SLC35F4: variants seen among roughly 807,000 people sequenced by gnomAD.
The protein encoded by SLC35F4 is solute carrier family 35 member F4.
SLC35F4 carries 24 observed loss-of-function variants against 44.2 expected under a neutral mutation model. That is an observed-to-expected ratio of 0.54 (90% CI 0.39 to 0.76). SLC35F4 has a LOEUF of 0.76. Among genes scored for constraint, SLC35F4 ranks in the 30% least tolerant of loss-of-function variants. The probability of loss-of-function intolerance (pLI) is 0.00; values close to 1 mark genes in which losing one functional copy is unlikely to be tolerated. For missense variants in SLC35F4, 562 were observed against 586.1 expected (o/e 0.96, Z 0.42); for synonymous variants, 238 against 223.6 (o/e 1.06, Z -0.57).
In SLC35F4 at chr14:57,790,399, A is replaced by G. The variant is rs769629572; in HGVS notation, c.103+75324T>C. Reference sequence around the variant, plus strand: ...TCCCATTCATAATTGCTGCAAAGAGAAAAAAATACCTAGGAATACAACTTA... The same window carrying G: ...TCCCATTCATAATTGCTGCAAAGAGGAAAAAATACCTAGGAATACAACTTA... On this transcript the variant is annotated intron_variant, in intron 1 of 7. Transcript: ENST00000556826. Among the ~76,000 whole-genome samples, 44 of 152,114 alleles carry G rather than the reference A, an allele frequency of 2.9e-4. 1 individual carries two copies. Among genetic ancestry groups the G allele is most frequent in the Non-Finnish European group, 4.7e-4 (32 of 68,032 alleles).
At position 57,644,830 on chromosome 14, in the gene SLC35F4, A is replaced by T. The variant is rs530688060; in HGVS notation, c.104-50706T>A. 2.1e-3 allele frequency among the ~76,000 whole-genome samples: 315 copies of T among 152,234 alleles called. 1 individual carries two copies. The highest frequency in any genetic ancestry group is 0.014 in the Middle Eastern group (4 of 294). On this transcript the variant is annotated intron_variant, in intron 1 of 7. Transcript: ENST00000556826. The stretch of plus-strand genomic sequence containing the variant: ...TAAGGAAGGGATCCAGTTTCAGCTT[A>T]CTACATGTGGCTAGCCAGTTTTCCC...
intron 1 of SLC35F4, among the ~76,000 whole-genome samples, chr14:57,952,873 T>C (rs1890165982): frequency 6.6e-6 from 1 of 152,044 alleles, no homozygotes; most frequent in Non-Finnish European, 1.5e-5. Flanking sequence ...TTTAGGATAT[T>C]ATCCAGGAGA....
intron 1 of SLC35F4, among the ~76,000 whole-genome samples, chr14:57,772,929 C>T (rs565908483): frequency 3.3e-5 from 5 of 152,252 alleles, no homozygotes; most frequent in Admixed American, 6.5e-5. Context: ...GAGAAATCTC[C>T]GTACTGTTTT....
chr14:57,672,892 ATTTG>A (rs1316028987), intron 1 of SLC35F4, among the ~76,000 whole-genome samples: 1 of 150,804 alleles, frequency 6.6e-6, no homozygotes, highest in Non-Finnish European at 1.5e-5. Context: ...TTGTTTTTTT[ATTTG>A]TTTGTTTTTT....
intron 1 of SLC35F4, among the ~76,000 whole-genome samples, chr14:57,890,888 C>T (rs1304509370): frequency 1.3e-5 from 2 of 152,202 alleles, no homozygotes; most frequent in African/African-American, 4.8e-5. Context: ...TCATTTTTTT[C>T]TGCACTAAGG....
intron 6 of SLC35F4, among the ~76,000 whole-genome samples, chr14:57,569,115 G>A (rs750502628): frequency 6.6e-6 from 1 of 152,030 alleles, no homozygotes; most frequent in Non-Finnish European, 1.5e-5. Flanking sequence ...CATTAACTAG[G>A]TACTGTCTAC....
chr14:57,815,387 A>C (rs1223667167), intron 1 of SLC35F4, among the ~76,000 whole-genome samples: 1 of 152,222 alleles, frequency 6.6e-6, no homozygotes, highest in Non-Finnish European at 1.5e-5. Context: ...AGTAGAAGAT[A>C]TGGGTCTTCC....
intron 1 of SLC35F4, among the ~76,000 whole-genome samples, chr14:57,776,485 T>C (rs2077490266): frequency 6.6e-6 from 1 of 151,748 alleles, no homozygotes; most frequent in South Asian, 2.1e-4. Context: ...GTTAACATGG[T>C]GAAACCCCTT....
intron 1 of SLC35F4, chr14:57,596,499 A>C: frequency 2.9e-6 from 1 of 342,794 alleles, no homozygotes; most frequent in Non-Finnish European, 5.7e-6. Context: ...AGTCTTTTAA[A>C]ATTTATCTTT....
At chr14:57,631,099 C>A (rs1361118496) in intron 1 of SLC35F4, 1 of 154,748 alleles carries the variant, frequency 6.5e-6, no homozygotes, top group East Asian at 1.9e-4. Flanking sequence ...AGCTACAGTA[C>A]AACACTGACT....
chr14:57,947,982 GT>G (rs1890066378), intron 1 of SLC35F4, among the ~76,000 whole-genome samples: 1 of 152,064 alleles, frequency 6.6e-6, no homozygotes, highest in Non-Finnish European at 1.5e-5. Flanking sequence ...TTGGTCTATA[GT>G]TTTCTTTTTT....
intron 1 of SLC35F4, among the ~76,000 whole-genome samples, chr14:57,871,819 C>T (rs1482231525): frequency 6.6e-6 from 1 of 152,202 alleles, no homozygotes; most frequent in African/African-American, 2.4e-5. Context: ...GGCCCCATGA[C>T]CATCAGCATT....
Position 57,853,682 on chromosome 14 carries a change from G to A in SLC35F4, c.103+12041C>T, listed in dbSNP as rs563109273. Among the ~76,000 whole-genome samples the A allele has an allele frequency of 3.3e-5, 5 of 151,268 alleles. No individual in the cohort carries two copies. In the East Asian group the frequency reaches 1.2e-3, roughly 35 times the overall value. ...GTAAACGCTGGAACTGCTGGCAGTGGCTATTTTCGACCATTTGGACAAGGA... is the reference window on the plus strand; with the variant it reads ...GTAAACGCTGGAACTGCTGGCAGTGACTATTTTCGACCATTTGGACAAGGA... On this transcript the variant is annotated intron_variant, in intron 1 of 7. Transcript: ENST00000556826.
intron 1 of SLC35F4, among the ~76,000 whole-genome samples, chr14:57,671,850 G>A (rs1856838632): frequency 1.3e-5 from 2 of 152,084 alleles, no homozygotes; most frequent in African/African-American, 4.8e-5. Flanking sequence ...GCCCATTATA[G>A]TTGACACTCT....
rs575803585 is a variant in SLC35F4 at position 57,618,669 on chromosome 14, C to A, written c.104-24545G>T. On this transcript the variant is annotated intron_variant, in intron 1 of 7. Coordinates refer to ENST00000556826, the MANE Select transcript of SLC35F4 (RefSeq NM_001306087.2). ...TTTTTTATTCATACCCCAGGGGCACCTGCAATGCCAGCGAGCCAGAACCAC... is the reference window on the plus strand; with the variant it reads ...TTTTTTATTCATACCCCAGGGGCACATGCAATGCCAGCGAGCCAGAACCAC... Among the ~76,000 whole-genome samples the A allele has an allele frequency of 2.0e-5, 3 of 152,304 alleles. No individual in the cohort carries two copies. The East Asian group carries it at 5.8e-4, about 29-fold the overall frequency.
chr14:57,625,480 G>A (rs1468765567), intron 1 of SLC35F4, among the ~76,000 whole-genome samples: 1 of 152,102 alleles, frequency 6.6e-6, no homozygotes, highest in Non-Finnish European at 1.5e-5. Context: ...TCAAAAAAGA[G>A]CCCACATAGC....
chr14:57,726,744 CTGAG>C (rs1200546288), intron 1 of SLC35F4, among the ~76,000 whole-genome samples: 1 of 152,078 alleles, frequency 6.6e-6, no homozygotes, highest in Non-Finnish European at 1.5e-5. Flanking sequence ...ATGGTTAATA[CTGAG>C]TGTCAACTTG....
chr14:57,797,464 T>C lies in SLC35F4; in HGVS notation c.103+68259A>G, dbSNP rs554903808. On this transcript the variant is annotated intron_variant, in intron 1 of 7. Coordinates refer to ENST00000556826, the MANE Select transcript of SLC35F4 (RefSeq NM_001306087.2). ...CCCCGCTTTGCCCATTAAAATATATTGTCACTGACTAGCTGTGTATTCTTC... is the reference window on the plus strand; with the variant it reads ...CCCCGCTTTGCCCATTAAAATATATCGTCACTGACTAGCTGTGTATTCTTC... Among the ~76,000 whole-genome samples, 14 of 152,296 alleles carry C rather than the reference T, an allele frequency of 9.2e-5. No homozygotes were observed. The South Asian group carries it at 1.7e-3, about 18-fold the overall frequency.
intron 1 of SLC35F4, among the ~76,000 whole-genome samples, chr14:57,896,920 GA>G (rs2141042677): frequency 6.6e-6 from 1 of 151,192 alleles, no homozygotes; most frequent in Admixed American, 6.6e-5. Flanking sequence ...TGTTTTCATT[GA>G]TTAGGCCATA....
Sources: allele counts gnomAD v4.1 joint callset (sites outside exome capture counted in the v4.1 genomes callset), GRCh38; gene constraint gnomAD v4.1.1; transcripts MANE v1.5; gene names NCBI Gene and HGNC (gene_info 2026-07-23, HGNC 2026-07-21).